VAPB: variants seen among roughly 807,000 people sequenced by gnomAD.
VAPB encodes the protein vesicle-associated membrane protein-associated protein B/C.
A neutral mutation model predicts 25.6 loss-of-function variants in VAPB; 7 were observed. That is an observed-to-expected ratio of 0.27 (90% CI 0.16 to 0.51). The LOEUF (loss-of-function observed/expected upper bound fraction) is 0.51, where lower values mean the gene tolerates loss of function less well. Ranked by LOEUF, VAPB falls within the 20% of genes least tolerant of loss-of-function variation. The pLI, the probability that VAPB is intolerant of heterozygous loss-of-function variation, is 0.97. For synonymous variants in VAPB, 112 were observed against 109.2 expected (o/e 1.03, Z -0.16); for missense variants, 266 against 301.3 (o/e 0.88, Z 0.87).
intron 1 of VAPB, among the ~76,000 whole-genome samples, chr20:58,417,015 A>G (rs1988555227): frequency 6.6e-6 from 1 of 152,178 alleles, no homozygotes. Context: ...AGTCAACATT[A>G]CGTATTTGTT....
chr20:58,432,668 G>A (rs1600811031), intron 2 of VAPB, among the ~76,000 whole-genome samples: 2 of 152,324 alleles, frequency 1.3e-5, no homozygotes, highest in East Asian at 1.9e-4. Flanking sequence ...AAAGACATTG[G>A]CTCTTTACTT....
chr20:58,398,074 A>G (rs537639212), intron 1 of VAPB, among the ~76,000 whole-genome samples: 2 of 152,246 alleles, frequency 1.3e-5, no homozygotes, highest in Non-Finnish European at 2.9e-5. Context: ...AACATATTAG[A>G]TACAGCTTAA....
intron 1 of VAPB, among the ~76,000 whole-genome samples, chr20:58,393,141 C>G (rs772810040): frequency 6.6e-6 from 1 of 152,172 alleles, no homozygotes; most frequent in East Asian, 1.9e-4. Context: ...TCAAGAGATC[C>G]TCCTGCTTTA....
chr20:58,427,708 T>C (rs1349712198), intron 2 of VAPB, among the ~76,000 whole-genome samples: 1 of 152,118 alleles, frequency 6.6e-6, no homozygotes, highest in Non-Finnish European at 1.5e-5. Context: ...ATGAAAGTGA[T>C]CTGTTACCAT....
intron 2 of VAPB, among the ~76,000 whole-genome samples, chr20:58,419,260 C>T (rs1988616347): frequency 6.6e-6 from 1 of 152,138 alleles, no homozygotes; most frequent in South Asian, 2.1e-4. Flanking sequence ...CATTTGACAC[C>T]TAAAAGAAAA....
intron 1 of VAPB, among the ~76,000 whole-genome samples, chr20:58,413,527 A>C (rs1988432559): frequency 6.6e-6 from 1 of 152,126 alleles, no homozygotes; most frequent in Non-Finnish European, 1.5e-5. Context: ...CAAAATGAAA[A>C]GTCTCCCATG....
At chr20:58,433,619 C>T (rs1345451197) in intron 2 of VAPB, among the ~76,000 whole-genome samples, 1 of 152,214 alleles carries the variant, frequency 6.6e-6, no homozygotes, top group East Asian at 1.9e-4. Context: ...ATTCACCTCT[C>T]TGTGTTCATT....
intron 2 of VAPB, chr20:58,431,570 G>GT (rs1988929383): frequency 6.9e-6 from 1 of 145,468 alleles, no homozygotes; most frequent in Non-Finnish European, 1.5e-5. Context: ...TTTTTTTTTT[G>GT]TTTTTTCTTT....
intron 2 of VAPB, chr20:58,431,251 A>C (rs993956148): frequency 6.6e-6 from 1 of 152,242 alleles, no homozygotes; most frequent in African/African-American, 2.4e-5. Flanking sequence ...AGTGTTGCAG[A>C]GCTTCCAAAT....
At position 58,441,108 on chromosome 20, in the gene VAPB, T is replaced by G. The variant is rs1989151478; in HGVS notation, c.573+25T>G. ...GGTAATAGTTTATTTTCTGGTAATC[T>G]ACAGAAAACAAGGGCGTTTTCACTA... is the stretch of plus-strand genomic sequence containing the variant. On this transcript the variant is annotated intron_variant, in intron 5 of 5. Transcript: ENST00000475243. The G allele has an allele frequency of 2.5e-6, 4 of 1,611,658 alleles. No individual in the cohort carries two copies. In the South Asian group the frequency reaches 4.4e-5, roughly 18 times the overall value.
intron 1 of VAPB, among the ~76,000 whole-genome samples, chr20:58,393,850 A>G (rs1987876125): frequency 6.6e-6 from 1 of 152,148 alleles, no homozygotes; most frequent in African/African-American, 2.4e-5. Flanking sequence ...CTCCTGCCTC[A>G]GCCTCCCGAG....
At chr20:58,410,436 T>TTG (rs1252449274) in intron 1 of VAPB, among the ~76,000 whole-genome samples, 1 of 152,108 alleles carries the variant, frequency 6.6e-6, no homozygotes, top group Non-Finnish European at 1.5e-5. Flanking sequence ...TTTATTTTGA[T>TTG]AACAGAGTCT....
intron 2 of VAPB, among the ~76,000 whole-genome samples, chr20:58,425,300 G>A (rs963668774): frequency 1.3e-5 from 2 of 152,212 alleles, no homozygotes; most frequent in African/African-American, 4.8e-5. Context: ...CCTCTTGGAA[G>A]GGAGGGAGTG....
rs777230223 is a variant in VAPB at position 58,389,358 on chromosome 20, C to G, written c.-102C>G. On this transcript the variant is annotated 5_prime_UTR_variant, in exon 1 of 6. Coordinates refer to ENST00000475243, the MANE Select transcript of VAPB (RefSeq NM_004738.5). ...ACCCCCGCCCGTGCCCCGACCGGTC[C>G]CCGCCTTTTTGTAAAACTTAAAGCG... 4.1e-5 allele frequency: 56 copies of G among 1,362,196 alleles called. No individual in the cohort carries two copies. Among genetic ancestry groups the G allele is most frequent in the Non-Finnish European group, 5.0e-5 (50 of 990,490 alleles). 84.4% of individuals were successfully genotyped at this position (1,362,196 alleles called of 1,614,324 possible). A position where few individuals can be genotyped will look rare whatever the true frequency, so the allele number is the denominator to read the frequency against.
Position 58,449,396 on chromosome 20 carries a change from G to A in VAPB, c.*5161G>A, listed in dbSNP as rs965855436. On this transcript the variant is annotated 3_prime_UTR_variant, in exon 6 of 6. Transcript: ENST00000475243. ...TATGGATGATAGTTAAAAGAGAAAC[G>A]GGTGGAGGTGGATGAGAGGTTGTCT... The A allele has an allele frequency of 1.1e-5, 5 of 453,624 alleles. No individual in the cohort carries two copies. Among genetic ancestry groups the A allele is most frequent in the Admixed American group, 4.7e-5 (2 of 42,480 alleles). The allele number at this position is 453,624 out of a possible 1,614,324, so 28.1% of individuals were successfully genotyped here.
At chr20:58,405,563 A>G (rs549625257) in intron 1 of VAPB, among the ~76,000 whole-genome samples, 8 of 150,458 alleles carry the variant, frequency 5.3e-5, no homozygotes, top group African/African-American at 2.0e-4. Flanking sequence ...CCCGGGTTCA[A>G]GCAATTCTCT....
intron 1 of VAPB, among the ~76,000 whole-genome samples, chr20:58,406,474 T>C (rs1049359492): frequency 6.6e-6 from 1 of 152,234 alleles, no homozygotes; most frequent in Non-Finnish European, 1.5e-5. Context: ...GGTTCTTTAT[T>C]GAAAAGGAAC....
rs886056840 is a variant in VAPB at position 58,451,077 on chromosome 20, A to G, written c.*6842A>G. 5 of 412,030 alleles carry G rather than the reference A, an allele frequency of 1.2e-5. No homozygotes were observed. Among genetic ancestry groups the G allele is most frequent in the Non-Finnish European group, 1.9e-5 (4 of 209,636 alleles). 25.5% of individuals were successfully genotyped at this position (412,030 alleles called of 1,614,324 possible). A position where few individuals can be genotyped will look rare whatever the true frequency, so the allele number is the denominator to read the frequency against. On this transcript the variant is annotated 3_prime_UTR_variant, in exon 6 of 6. Transcript: ENST00000475243. ...GCTGTCTCCATATTATGTTCAATAAATTCTGTGCTCTGAATATATTTAAAG... is the reference window on the plus strand; with the variant it reads ...GCTGTCTCCATATTATGTTCAATAAGTTCTGTGCTCTGAATATATTTAAAG...
At chr20:58,439,101 A>G in intron 4 of VAPB, 76 bp downstream of exon 4, 2 of 1,398,070 alleles carry the variant, frequency 1.4e-6, no homozygotes. Context: ...CTGCAAAACC[A>G]AGATTTAAGT....
Sources: gnomAD v4.1 joint callset for allele counts (sites outside exome capture counted in the v4.1 genomes callset) on GRCh38, gnomAD v4.1.1 for gene constraint, MANE v1.5 for transcripts, NCBI Gene and HGNC (gene_info 2026-07-23, HGNC 2026-07-21) for gene names.